Variants in FAM81A observed in about 807,000 individuals in gnomAD.
The protein encoded by FAM81A is family with sequence similarity 81 member A.
FAM81A carries 19 observed loss-of-function variants against 46.7 expected under a neutral mutation model. That is an observed-to-expected ratio of 0.41 (90% CI 0.28 to 0.60). FAM81A has a LOEUF of 0.60. Ranked by LOEUF, FAM81A falls within the 20% of genes least tolerant of loss-of-function variation. The pLI is 0.34. For missense variants in FAM81A, 377 were observed against 453.5 expected (o/e 0.83, Z 1.53); for synonymous variants, 183 against 152.9 (o/e 1.20, Z -1.45).
At chr15:59,401,770 ATT>A (rs57470869) in intron 1 of FAM81A, 172,210 of 687,098 alleles carry the variant, frequency 0.25, 7,535 homozygotes, top group African/African-American at 0.44. Context: ...TCTTTTCAGC[ATT>A]TTTTTTTTTT....
intron 2 of FAM81A, among the ~76,000 whole-genome samples, chr15:59,421,326 C>G (rs2081169941): frequency 6.6e-6 from 1 of 152,188 alleles, no homozygotes; most frequent in Non-Finnish European, 1.5e-5. Context: ...GACCCCATCA[C>G]TGTAGGTCAG....
intron 4 of FAM81A, among the ~76,000 whole-genome samples, chr15:59,506,869 C>T (rs561480782): frequency 3.3e-5 from 5 of 152,206 alleles, no homozygotes; most frequent in African/African-American, 4.8e-5. Flanking sequence ...CCCCCAACTT[C>T]GAAAGGCAGG....
chr15:59,505,740 C>T (rs2082142556), intron 4 of FAM81A, among the ~76,000 whole-genome samples: 1 of 152,110 alleles, frequency 6.6e-6, no homozygotes, highest in Non-Finnish European at 1.5e-5. Context: ...AACTCCGAAC[C>T]CTTCTGGCAA....
chr15:59,490,996 A>G (rs1448144098), intron 3 of FAM81A, among the ~76,000 whole-genome samples: 3 of 152,240 alleles, frequency 2.0e-5, no homozygotes, highest in African/African-American at 7.2e-5. Flanking sequence ...ACTGTGGAGA[A>G]CACTTTGGAG....
intron 2 of FAM81A, among the ~76,000 whole-genome samples, chr15:59,459,587 C>T (rs1427526270): frequency 6.6e-6 from 1 of 152,034 alleles, no homozygotes; most frequent in Non-Finnish European, 1.5e-5. Flanking sequence ...ACCACTGTTT[C>T]AGAGAGGGAG....
chr15:59,414,758 T>C (rs1309935768), intron 2 of FAM81A, among the ~76,000 whole-genome samples: 3 of 152,176 alleles, frequency 2.0e-5, no homozygotes, highest in Non-Finnish European at 4.4e-5. Flanking sequence ...TATAGCAAAC[T>C]GGTGTATTTA....
Position 59,514,313 on chromosome 15 carries a change from C to T in FAM81A, c.675C>T (p.Leu225=). 1 of 1,609,656 alleles carries T rather than the reference C, an allele frequency of 6.2e-7. No homozygotes were observed. Among genetic ancestry groups the T allele is most frequent in the Non-Finnish European group, 8.5e-7 (1 of 1,178,214 alleles). The change falls in exon 7 of 9, where the codon CTC becomes CTT. Residue 225 remains leucine, a synonymous_variant. Coordinates refer to ENST00000288228, the MANE Select transcript of FAM81A (RefSeq NM_152450.3). ...DTKFKGTVEE[L]SNQILSARSW... ...GATTTAAAGGTACAGTTGAGGAACT[C>T]AGTAACCAGATATTATCTGCACGGA...
intron 3 of FAM81A, among the ~76,000 whole-genome samples, chr15:59,478,290 C>T (rs1258817227): frequency 3.3e-5 from 5 of 152,142 alleles, no homozygotes; most frequent in African/African-American, 4.8e-5. Flanking sequence ...TGGCTTTAAC[C>T]TAGTTGGGTT....
intron 3 of FAM81A, among the ~76,000 whole-genome samples, chr15:59,491,275 C>T (rs1229319853): frequency 1.3e-5 from 2 of 152,030 alleles, no homozygotes; most frequent in Non-Finnish European, 2.9e-5. Flanking sequence ...ATGGATAGAA[C>T]GAGAGGTCAT....
intron 4 of FAM81A, among the ~76,000 whole-genome samples, chr15:59,502,339 C>T (rs187599125): frequency 6.6e-6 from 1 of 151,672 alleles, no homozygotes. Flanking sequence ...CCGCTCCCCC[C>T]CCAACAACAG....
chr15:59,457,187 A>C (rs2081495443), intron 1 of FAM81A, among the ~76,000 whole-genome samples: 1 of 152,216 alleles, frequency 6.6e-6, no homozygotes, highest in Non-Finnish European at 1.5e-5. Context: ...AAATTCTAGA[A>C]ATAAACAATT....
intron 1 of FAM81A, among the ~76,000 whole-genome samples, chr15:59,454,870 C>T (rs2081463205): frequency 6.6e-6 from 1 of 151,964 alleles, no homozygotes; most frequent in Non-Finnish European, 1.5e-5. Flanking sequence ...CTCCTAGGCT[C>T]AAGAAATCCT....
chr15:59,458,132 TA>T (rs1326913800), intron 1 of FAM81A, among the ~76,000 whole-genome samples: 1 of 152,240 alleles, frequency 6.6e-6, no homozygotes, highest in Non-Finnish European at 1.5e-5. Context: ...GAATTAGTAG[TA>T]AAAGTTTTCT....
intron 1 of FAM81A, among the ~76,000 whole-genome samples, chr15:59,449,609 G>A (rs1352161518): frequency 5.3e-5 from 8 of 151,868 alleles, no homozygotes; most frequent in East Asian, 1.9e-4. Flanking sequence ...GTGAAACCCC[G>A]TCTCTACTAA....
chr15:59,410,083 G>A (rs189950863), intron 2 of FAM81A, among the ~76,000 whole-genome samples: 7 of 152,178 alleles, frequency 4.6e-5, no homozygotes, highest in South Asian at 2.1e-4. Context: ...GGCGGATTAC[G>A]AGGTCAGGAG....
In FAM81A at chr15:59,482,314, G is replaced by T. The variant is rs558482325; in HGVS notation, c.295-9957G>T. 1.9e-4 allele frequency among the ~76,000 whole-genome samples: 29 copies of T among 152,262 alleles called. No individual in the cohort carries two copies. In the South Asian group the frequency reaches 5.8e-3, roughly 30 times the overall value. On this transcript the variant is annotated intron_variant, in intron 3 of 8. Coordinates refer to ENST00000288228, the MANE Select transcript of FAM81A (RefSeq NM_152450.3). ...ATGGGGTTTTGCTCTTGTCATCCAG[G>T]CTGGAGGACAATGGTGTGATCTTGG...
intron 2 of FAM81A, among the ~76,000 whole-genome samples, chr15:59,421,741 ATCTGTCT>A (rs2081173201): frequency 4.2e-5 from 5 of 118,094 alleles, no homozygotes; most frequent in African/African-American, 1.4e-4. Context: ...CTATCTATCT[ATCTGTCT>A]ATCTATCTAT....
At chr15:59,442,248 C>G (rs997401485) in intron 1 of FAM81A, among the ~76,000 whole-genome samples, 1 of 152,220 alleles carries the variant, frequency 6.6e-6, no homozygotes, top group Non-Finnish European at 1.5e-5. Context: ...TCTACCTTGT[C>G]TTCCTGGCTT....
chr15:59,437,328 A>C (rs2081250163), upstream of FAM81A, among the ~76,000 whole-genome samples: 1 of 151,698 alleles, frequency 6.6e-6, no homozygotes, highest in Non-Finnish European at 1.5e-5. Flanking sequence ...TCTGCGAAGG[A>C]GGCACGAACC....
Sources: gnomAD v4.1 joint callset for allele counts (sites outside exome capture counted in the v4.1 genomes callset) on GRCh38, gnomAD v4.1.1 for gene constraint, MANE v1.5 for transcripts, NCBI Gene and HGNC (gene_info 2026-07-23, HGNC 2026-07-21) for gene names.